NRG3: variants seen among roughly 807,000 people sequenced by gnomAD.
NRG3 encodes the protein neuregulin 3.
A neutral mutation model predicts 66.9 loss-of-function variants in NRG3; 31 were observed. The observed-to-expected ratio is 0.46, with a 90% CI of 0.35 to 0.63. The LOEUF (loss-of-function observed/expected upper bound fraction) is 0.63, where lower values mean the gene tolerates loss of function less well. NRG3 is among the 20% of genes least tolerant of loss of function. The pLI is 0.00. For synonymous variants in NRG3, 393 were observed against 359.4 expected (o/e 1.09, Z -1.06); for missense variants, 910 against 878.9 (o/e 1.04, Z -0.45).
intron 1 of NRG3, among the ~76,000 whole-genome samples, chr10:82,172,470 T>C (rs2072703811): frequency 6.6e-6 from 1 of 152,164 alleles, no homozygotes; most frequent in Non-Finnish European, 1.5e-5. Flanking sequence ...TTGTAACATA[T>C]GTCCTTTGGG....
At chr10:81,958,207 A>G (rs541560665) in intron 1 of NRG3, among the ~76,000 whole-genome samples, 2 of 152,142 alleles carry the variant, frequency 1.3e-5, no homozygotes, top group Non-Finnish European at 2.9e-5. Context: ...ATTAGTTTCC[A>G]TGTGGTATTG....
chr10:82,441,879 C>T (rs77670602), intron 2 of NRG3, among the ~76,000 whole-genome samples: 1 of 152,154 alleles, frequency 6.6e-6, no homozygotes, highest in African/African-American at 2.4e-5. Context: ...AAGTTTTAGT[C>T]CATAATGCCT....
At chr10:82,570,596 G>T (rs561025494) in intron 2 of NRG3, among the ~76,000 whole-genome samples, 2 of 151,514 alleles carry the variant, frequency 1.3e-5, no homozygotes, top group South Asian at 2.1e-4. Flanking sequence ...GTGCAATAAA[G>T]GCACAAAAAC....
At chr10:82,830,846 G>C (rs189255359) in intron 3 of NRG3, among the ~76,000 whole-genome samples, 2 of 152,256 alleles carry the variant, frequency 1.3e-5, no homozygotes, top group East Asian at 3.9e-4. Flanking sequence ...TTAGGGAACA[G>C]GAGGAGTTGA....
At chr10:82,286,690 C>A (rs1218068004) in intron 1 of NRG3, among the ~76,000 whole-genome samples, 3 of 152,120 alleles carry the variant, frequency 2.0e-5, no homozygotes, top group South Asian at 2.1e-4. Context: ...CAGGTTCAAG[C>A]GATTCTTCTG....
At chr10:82,894,462 T>C (rs894725414) in intron 4 of NRG3, among the ~76,000 whole-genome samples, 4 of 152,206 alleles carry the variant, frequency 2.6e-5, no homozygotes, top group Admixed American at 2.6e-4. Flanking sequence ...AATCTACATA[T>C]AAACCAATTT....
intron 2 of NRG3, among the ~76,000 whole-genome samples, chr10:82,533,811 C>A (rs1410237314): frequency 6.6e-6 from 1 of 152,054 alleles, no homozygotes; most frequent in African/African-American, 2.4e-5. Flanking sequence ...GTGCCTGTTG[C>A]AGACAACATG....
intron 2 of NRG3, among the ~76,000 whole-genome samples, chr10:82,581,503 T>G (rs1357752877): frequency 6.6e-6 from 1 of 152,004 alleles, no homozygotes; most frequent in Non-Finnish European, 1.5e-5. Context: ...TGGTACTTCA[T>G]ATAAAATTAA....
intron 1 of NRG3, among the ~76,000 whole-genome samples, chr10:82,320,216 A>G (rs1461478273): frequency 6.6e-6 from 1 of 152,178 alleles, no homozygotes; most frequent in East Asian, 1.9e-4. Flanking sequence ...TGTTTACTGT[A>G]ACCATATTGG....
chr10:82,099,663 T>C (rs2066602197), intron 1 of NRG3, among the ~76,000 whole-genome samples: 1 of 152,036 alleles, frequency 6.6e-6, no homozygotes, highest in Non-Finnish European at 1.5e-5. Context: ...TTTAGGAACA[T>C]TGATATCTTA....
chr10:82,063,044 C>CT (rs1485624979), intron 1 of NRG3, among the ~76,000 whole-genome samples: 6 of 152,176 alleles, frequency 3.9e-5, no homozygotes, highest in Non-Finnish European at 5.9e-5. Context: ...CAGCCAAGGA[C>CT]TTGAGTACCT....
chr10:82,296,702 A>C (rs2080082581), intron 1 of NRG3, among the ~76,000 whole-genome samples: 1 of 151,864 alleles, frequency 6.6e-6, no homozygotes, highest in Admixed American at 6.6e-5. Flanking sequence ...CAAATATACA[A>C]TACATTGTTG....
At chr10:82,703,889 T>C (rs2056090215) in intron 2 of NRG3, among the ~76,000 whole-genome samples, 1 of 152,078 alleles carries the variant, frequency 6.6e-6, no homozygotes. Flanking sequence ...ATGACTGTAT[T>C]CCATACTGTT....
intron 3 of NRG3, chr10:82,799,819 T>C (rs1390408): frequency 0.51 from 78,146 of 152,042 alleles, 21,496 homozygotes; most frequent in African/African-American, 0.73. Flanking sequence ...TCGGCCTTTT[T>C]CACTGGCAAC....
intron 2 of NRG3, among the ~76,000 whole-genome samples, chr10:82,640,696 T>C (rs979446939): frequency 3.3e-5 from 5 of 152,178 alleles, no homozygotes; most frequent in Non-Finnish European, 1.5e-5. Context: ...ATAATTATTA[T>C]TAAAAAATTA....
intron 4 of NRG3, among the ~76,000 whole-genome samples, chr10:82,900,654 A>G (rs1422845834): frequency 1.3e-5 from 2 of 152,142 alleles, no homozygotes; most frequent in African/African-American, 4.8e-5. Flanking sequence ...CATTTTTTAA[A>G]ATCACAGTGG....
At chr10:81,982,006 T>C (rs935367456) in intron 1 of NRG3, among the ~76,000 whole-genome samples, 2 of 152,194 alleles carry the variant, frequency 1.3e-5, no homozygotes, top group African/African-American at 4.8e-5. Context: ...AAAACATACC[T>C]TTTATTTTTT....
intron 2 of NRG3, among the ~76,000 whole-genome samples, chr10:82,713,956 C>T (rs971032769): frequency 5.9e-5 from 9 of 152,012 alleles, no homozygotes; most frequent in Non-Finnish European, 1.3e-4. Context: ...GTCCCAGAGA[C>T]AGACCTGAAG....
intron 1 of NRG3, among the ~76,000 whole-genome samples, chr10:81,914,116 G>A (rs1031489007): frequency 1.3e-5 from 2 of 151,988 alleles, no homozygotes; most frequent in African/African-American, 2.4e-5. Flanking sequence ...AATTATTGAC[G>A]TATTCCTGAT....
Sources: allele counts gnomAD v4.1 joint callset (sites outside exome capture counted in the v4.1 genomes callset), GRCh38; gene constraint gnomAD v4.1.1; transcripts MANE v1.5; gene names NCBI Gene and HGNC (gene_info 2026-07-23, HGNC 2026-07-21).